MORC3: variants seen among roughly 807,000 people sequenced by gnomAD.
MORC3 encodes the protein MORC family CW-type zinc finger 3, also known as MORC family CW-type zinc finger protein 3.
A neutral mutation model predicts 109.1 loss-of-function variants in MORC3; 31 were observed. The ratio of observed to expected loss-of-function variants is 0.28; its 90% confidence interval spans 0.21 to 0.38. MORC3 has a LOEUF of 0.38. Among genes scored for constraint, MORC3 ranks in the 10% least tolerant of loss-of-function variants. The pLI, the probability that MORC3 is intolerant of heterozygous loss-of-function variation, is 1.00. For synonymous variants in MORC3, 395 were observed against 380.7 expected (o/e 1.04, Z -0.44); for missense variants, 867 against 1,135.8 (o/e 0.76, Z 3.40).
At chr21:36,333,907 T>G (rs2085344010) in intron 2 of MORC3, among the ~76,000 whole-genome samples, 189 bp downstream of exon 2, 2 of 151,092 alleles carry the variant, frequency 1.3e-5, no homozygotes, top group Non-Finnish European at 3.0e-5. Context: ...CTCAGCCTCC[T>G]GAGTAGCTGG....
rs1026430008 is a variant in MORC3 at position 36,368,959 on chromosome 21, T to C, written c.1620-29T>C. 2.0e-6 allele frequency: 3 copies of C among 1,519,790 alleles called. No individual in the cohort carries two copies. The Admixed American group carries it at 6.1e-5, about 31-fold the overall frequency. 94.1% of individuals were successfully genotyped at this position (1,519,790 alleles called of 1,614,324 possible). A position where few individuals can be genotyped will look rare whatever the true frequency, so the allele number is the denominator to read the frequency against. ...TCTATTTTGTCCATATTTTATAATCTTATGTTTTATGTATAAAATTTTTTT... is the reference window on the plus strand; with the variant it reads ...TCTATTTTGTCCATATTTTATAATCCTATGTTTTATGTATAAAATTTTTTT... On this transcript the variant is annotated intron_variant, in intron 14 of 16. Coordinates refer to ENST00000400485, the MANE Select transcript of MORC3 (RefSeq NM_015358.3).
Position 36,338,881 on chromosome 21 carries a change from G to C in MORC3, c.568G>C (p.Gly190Arg). The C allele has an allele frequency of 6.2e-7, 1 of 1,614,104 alleles. No individual in the cohort carries two copies. The highest frequency in any genetic ancestry group is 8.5e-7 in the Non-Finnish European group (1 of 1,180,000). ...ACTGGCAGAACTTGATGCTATTATA[G>C]GCAAGAAGGGGACGAGGATCATCAT... ...KLLAELDAIIGKKGTRIIIWN... is the reference protein window; with the variant it reads ...KLLAELDAIIRKKGTRIIIWN... Residue 190 changes from glycine to arginine, a missense_variant, in exon 5 of 17, where the codon GGC becomes CGC. Gly to Arg is a moderately radical substitution (Grantham distance 125). Transcript: ENST00000400485.
chr21:36,357,580 G>A lies in MORC3; in HGVS notation c.1208+856G>A, dbSNP rs79297124. ...TTTTTTAATGTGTCAGTATACACATGCATACTTTATAAGCATAGAAAATTT... is the reference window on the plus strand; with the variant it reads ...TTTTTTAATGTGTCAGTATACACATACATACTTTATAAGCATAGAAAATTT... On this transcript the variant is annotated intron_variant, in intron 10 of 16. Transcript: ENST00000400485. Among the ~76,000 whole-genome samples, 395 of 151,972 alleles carry A rather than the reference G, an allele frequency of 2.6e-3. 5 individuals are homozygous for A. The highest frequency in any genetic ancestry group is 9.3e-3 in the African/African-American group (385 of 41,442).
chr21:36,356,597 G>GAATTC (rs1182885869), intron 9 of MORC3, 23 bp from the exon 10 acceptor site: 1 of 1,518,448 alleles, frequency 6.6e-7, no homozygotes, highest in Non-Finnish European at 9.0e-7. Context: ...ATTTTTTCTT[G>GAATTC]ATTTTATGAT....
intron 8 of MORC3, among the ~76,000 whole-genome samples, chr21:36,347,304 T>C (rs752035719): frequency 3.3e-5 from 5 of 152,316 alleles, no homozygotes; most frequent in African/African-American, 9.6e-5. Flanking sequence ...AGCCCAAATA[T>C]AGCATATTTG....
At chr21:36,323,215 A>G (rs900248844) in intron 1 of MORC3, among the ~76,000 whole-genome samples, 3 of 152,066 alleles carry the variant, frequency 2.0e-5, no homozygotes, top group Non-Finnish European at 4.4e-5. Flanking sequence ...ATGTGTCTCC[A>G]TCTCACATAT....
intron 1 of MORC3, among the ~76,000 whole-genome samples, chr21:36,330,778 A>T (rs1470258302): frequency 1.3e-5 from 2 of 152,202 alleles, no homozygotes; most frequent in African/African-American, 4.8e-5. Flanking sequence ...TGTACAGGGG[A>T]GAAGGTGGGA....
intron 1 of MORC3, among the ~76,000 whole-genome samples, chr21:36,328,797 A>G (rs2085278742): frequency 6.6e-6 from 1 of 151,624 alleles, no homozygotes; most frequent in African/African-American, 2.4e-5. Flanking sequence ...TTTACATTGT[A>G]TCTTTTAGCT....
In MORC3 at chr21:36,348,698, C is replaced by T. The variant is rs138037691; in HGVS notation, c.1006-613C>T. Among the ~76,000 whole-genome samples the T allele has an allele frequency of 2.5e-3, 381 of 152,286 alleles. 2 individuals are homozygous for T. The highest frequency in any genetic ancestry group is 0.01 in the Middle Eastern group (3 of 294). On this transcript the variant is annotated intron_variant, in intron 8 of 16. Coordinates refer to ENST00000400485, the MANE Select transcript of MORC3 (RefSeq NM_015358.3). ...TGTTGGGATTACAGGCGTGAGCCAT[C>T]GCCCCTGGCAGGTAGTCCTTTTTCT...
chr21:36,325,712 AG>A (rs1026288158), intron 1 of MORC3, among the ~76,000 whole-genome samples: 3 of 152,198 alleles, frequency 2.0e-5, no homozygotes, highest in African/African-American at 4.8e-5. Context: ...AATTACCCAA[AG>A]TCAACCATGG....
intron 1 of MORC3, among the ~76,000 whole-genome samples, chr21:36,329,003 A>C (rs2085282319): frequency 6.6e-6 from 1 of 151,840 alleles, no homozygotes; most frequent in Admixed American, 6.6e-5. Flanking sequence ...GTTTTAAGAA[A>C]GTTTACAGGC....
At position 36,360,736 on chromosome 21, in the gene MORC3, G is replaced by A. The variant is rs574637959; in HGVS notation, c.1406+478G>A. 1.7e-5 allele frequency: 3 copies of A among 173,954 alleles called. No homozygotes were observed. The South Asian group carries it at 4.0e-4, about 23-fold the overall frequency. The allele number at this position is 173,954 out of a possible 1,614,324, so 10.8% of individuals were successfully genotyped here. ...GGTCATTTTTGTAATAGGCCTTGAA[G>A]GATGGGTACGATGAGAATGTACAGG... On this transcript the variant is annotated intron_variant, in intron 12 of 16. Transcript: ENST00000400485.
chr21:36,330,652 T>C (rs1158694202), intron 1 of MORC3, among the ~76,000 whole-genome samples: 1 of 152,188 alleles, frequency 6.6e-6, no homozygotes, highest in Admixed American at 6.5e-5. Context: ...TTACAAACTT[T>C]GACTCTTTTT....
At chr21:36,325,273 C>A (rs562606024) in intron 1 of MORC3, among the ~76,000 whole-genome samples, 1 of 152,110 alleles carries the variant, frequency 6.6e-6, no homozygotes, top group Non-Finnish European at 1.5e-5. Context: ...AAAAGCCAGG[C>A]GGAATTGCTA....
In MORC3 at chr21:36,341,557, A is replaced by G. The variant is rs550975000; in HGVS notation, c.756+11A>G. The G allele has an allele frequency of 1.2e-4, 190 of 1,613,644 alleles. No homozygotes were observed. Among genetic ancestry groups the G allele is most frequent in the Non-Finnish European group, 1.6e-4 (188 of 1,179,914 alleles). On this transcript the variant is annotated intron_variant, in intron 6 of 16. Transcript: ENST00000400485. ...GACTATTCCCTGAGGGTATGTATTC[A>G]GCTCTCTTTGTGGAAGTGAGAAAAT...
intron 15 of MORC3, among the ~76,000 whole-genome samples, chr21:36,370,542 T>A (rs983918190): frequency 6.7e-6 from 1 of 149,784 alleles, no homozygotes; most frequent in African/African-American, 2.4e-5. Flanking sequence ...TTTTCTAGAT[T>A]ATGTCTTTCA....
chr21:36,347,981 G>T (rs1442716062), intron 8 of MORC3: 1 of 152,176 alleles, frequency 6.6e-6, no homozygotes, highest in Non-Finnish European at 1.5e-5. Flanking sequence ...GAACCTGATG[G>T]TTTTTAATAG....
At chr21:36,320,402 C>A (rs2085177053) in intron 1 of MORC3, 99 bp downstream of exon 1, 2 of 1,158,476 alleles carry the variant, frequency 1.7e-6, no homozygotes, top group African/African-American at 3.2e-5. Context: ...GTGGGGCCGA[C>A]GCGGCGGCGG....
intron 1 of MORC3, among the ~76,000 whole-genome samples, chr21:36,325,386 T>C (rs1421214749): frequency 1.3e-5 from 2 of 152,206 alleles, no homozygotes; most frequent in South Asian, 4.1e-4. Flanking sequence ...GAAATTGGCA[T>C]GAAAGGAAGA....
Sources: allele counts gnomAD v4.1 joint callset (sites outside exome capture counted in the v4.1 genomes callset), GRCh38; gene constraint gnomAD v4.1.1; transcripts MANE v1.5; gene names NCBI Gene and HGNC (gene_info 2026-07-23, HGNC 2026-07-21).